The following DIP2C variants were observed in gnomAD, a reference collection of about 807,000 sequenced individuals.
DIP2C encodes the protein DIP2 acetate--CoA ligase C (putative).
DIP2C carries 33 observed loss-of-function variants against 192.4 expected under a neutral mutation model. The ratio of observed to expected loss-of-function variants is 0.17; its 90% confidence interval spans 0.13 to 0.23. The LOEUF (loss-of-function observed/expected upper bound fraction) is 0.23, where lower values mean the gene tolerates loss of function less well. Ranked by LOEUF, DIP2C falls within the 10% of genes least tolerant of loss-of-function variation. The pLI, the probability that DIP2C is intolerant of heterozygous loss-of-function variation, is 1.00. For synonymous variants in DIP2C, 979 were observed against 864.1 expected, an observed-to-expected ratio of 1.13 and a Z score of -2.33; for missense variants, 1,537 against 2,110.1, an observed-to-expected ratio of 0.73 and a Z score of 5.32.
At chr10:558,960 G>A (rs1184599215) in intron 1 of DIP2C, among the ~76,000 whole-genome samples, 3 of 32,760 alleles carry the variant, frequency 9.2e-5, no homozygotes, top group East Asian at 5.9e-4. Context: ...CCCCTCCCCC[G>A]GCAGACCACC....
At position 499,301 on chromosome 10, in the gene DIP2C, T is replaced by C. The variant is rs184634265; in HGVS notation, c.86-12771A>G. Among the ~76,000 whole-genome samples the C allele has an allele frequency of 2.0e-3, 305 of 152,242 alleles. 1 individual carries two copies. Among genetic ancestry groups the C allele is most frequent in the Middle Eastern group, 0.014 (4 of 294 alleles). On this transcript the variant is annotated intron_variant, in intron 1 of 36. Transcript: ENST00000280886. Reference sequence around the variant, plus strand: ...GACAGCAGCATTTGCACTGTCACCTTCTCCCTGTGTGGACGGCTGGGCTCC... The same window carrying C: ...GACAGCAGCATTTGCACTGTCACCTCCTCCCTGTGTGGACGGCTGGGCTCC...
At chr10:525,635 G>T (rs896201685) in intron 1 of DIP2C, among the ~76,000 whole-genome samples, 8 of 152,192 alleles carry the variant, frequency 5.3e-5, no homozygotes, top group South Asian at 2.1e-4. Context: ...CCTCCTGCTT[G>T]CCCACTGAGG....
chr10:347,466 C>A (rs1283878395), intron 26 of DIP2C, among the ~76,000 whole-genome samples: 1 of 127,840 alleles, frequency 7.8e-6, no homozygotes, highest in Non-Finnish European at 1.6e-5. Flanking sequence ...GCGCATAGTT[C>A]TCCCGGAAAC....
intron 36 of DIP2C, among the ~76,000 whole-genome samples, chr10:278,855 C>A (rs565176260): frequency 8.8e-4 from 134 of 152,282 alleles, no homozygotes; most frequent in African/African-American, 2.9e-3. Context: ...TACTTGAGGT[C>A]TGCTTGGCTG....
At chr10:456,958 G>C (rs1054891231) in intron 3 of DIP2C, among the ~76,000 whole-genome samples, 1 of 152,084 alleles carries the variant, frequency 6.6e-6, no homozygotes, top group East Asian at 1.9e-4. Flanking sequence ...GCTATTGATG[G>C]GCCCAGCAAA....
At chr10:655,760 T>C (rs1269263280) in intron 1 of DIP2C, among the ~76,000 whole-genome samples, 1 of 152,252 alleles carries the variant, frequency 6.6e-6, no homozygotes, top group Admixed American at 6.5e-5. Flanking sequence ...TCCTATTGTA[T>C]ACTATACTAT....
intron 29 of DIP2C, among the ~76,000 whole-genome samples, chr10:338,723 G>T (rs994394385): frequency 6.6e-6 from 1 of 152,140 alleles, no homozygotes; most frequent in East Asian, 1.9e-4. Context: ...GGCTGCTGCC[G>T]ATTCTTAGAA....
chr10:359,094 G>A (rs985930519), intron 22 of DIP2C, among the ~76,000 whole-genome samples: 5 of 152,106 alleles, frequency 3.3e-5, no homozygotes, highest in South Asian at 2.1e-4. Flanking sequence ...ACAGACACAC[G>A]TGCCCAGATG....
At chr10:418,144 C>A (rs367720606) in intron 6 of DIP2C, among the ~76,000 whole-genome samples, 1 of 33,506 alleles carries the variant, frequency 3.0e-5, no homozygotes, top group Non-Finnish European at 5.0e-5. Context: ...TGTCCACCTG[C>A]ACCTGTCAGA....
chr10:395,150 G>T (rs1388501480), intron 10 of DIP2C, among the ~76,000 whole-genome samples: 3 of 65,992 alleles, frequency 4.5e-5, no homozygotes, highest in African/African-American at 8.1e-5. Context: ...GAGGAGATGG[G>T]GGGGAGGGAG....
At chr10:475,288 G>C (rs937520165) in intron 2 of DIP2C, among the ~76,000 whole-genome samples, 3 of 152,216 alleles carry the variant, frequency 2.0e-5, no homozygotes, top group African/African-American at 7.2e-5. Context: ...GCTAAATGAT[G>C]AACCACAAAT....
At chr10:280,745 C>T (rs867514657) in intron 36 of DIP2C, among the ~76,000 whole-genome samples, 1 of 152,336 alleles carries the variant, frequency 6.6e-6, no homozygotes, top group South Asian at 2.1e-4. Context: ...TTAACTCAAG[C>T]AATTCTTCCT....
chr10:460,251 G>A lies in DIP2C; in HGVS notation c.268+12188C>T, dbSNP rs777576491. Among the ~76,000 whole-genome samples the A allele has an allele frequency of 1.2e-3, 187 of 151,936 alleles. 2 individuals carry two copies. Among genetic ancestry groups the A allele is most frequent in the South Asian group, 8.4e-4 (4 of 4,778 alleles). On this transcript the variant is annotated intron_variant, in intron 3 of 36. Transcript: ENST00000280886. ...AGTTGTTGGTTGGGGAAAAAAAGGT[G>A]ATAACTAAAGCTAGAATCTAAGCTC...
chr10:607,334 TAAG>T (rs762637901), intron 1 of DIP2C, among the ~76,000 whole-genome samples: 3 of 147,666 alleles, frequency 2.0e-5, no homozygotes, highest in African/African-American at 5.4e-5. Context: ...CCCACTGGGC[TAAG>T]AAGGCACAGA....
intron 1 of DIP2C, among the ~76,000 whole-genome samples, chr10:657,672 G>A (rs1232152555): frequency 1.6e-4 from 14 of 85,944 alleles, no homozygotes; most frequent in African/African-American, 4.0e-4. Context: ...TGGACCTGCC[G>A]CTGGACCTGA....
At chr10:572,448 G>T (rs916950273) in intron 1 of DIP2C, among the ~76,000 whole-genome samples, 1 of 152,210 alleles carries the variant, frequency 6.6e-6, no homozygotes, top group African/African-American at 2.4e-5. Flanking sequence ...CAGAGTGGGT[G>T]AGTCTAATGT....
chr10:409,192 G>C (rs893987806), intron 8 of DIP2C, among the ~76,000 whole-genome samples, 175 bp from the exon 9 acceptor site: 4 of 152,124 alleles, frequency 2.6e-5, no homozygotes, highest in Non-Finnish European at 5.9e-5. Context: ...AATGGAAAAT[G>C]AGTGAAAGTA....
At chr10:473,114 A>C (rs1378970387) in intron 2 of DIP2C, among the ~76,000 whole-genome samples, 1 of 152,208 alleles carries the variant, frequency 6.6e-6, no homozygotes, top group Non-Finnish European at 1.5e-5. Context: ...ATTATGTTCG[A>C]CTATGAATCA....
At chr10:348,315 C>T (rs1031754509) in intron 26 of DIP2C, among the ~76,000 whole-genome samples, 14 of 152,228 alleles carry the variant, frequency 9.2e-5, no homozygotes, top group African/African-American at 3.4e-4. Flanking sequence ...AAAAGCCCTG[C>T]CTCTTCCCGT....
Sources: gnomAD v4.1 joint callset for allele counts (sites outside exome capture counted in the v4.1 genomes callset) on GRCh38, gnomAD v4.1.1 for gene constraint, MANE v1.5 for transcripts, NCBI Gene and HGNC (gene_info 2026-07-23, HGNC 2026-07-21) for gene names.